The following HBP1 variants were observed in gnomAD, a reference collection of about 807,000 sequenced individuals.
The protein encoded by HBP1 is HMG-box transcription factor 1, also known as HMG box-containing protein 1.
A neutral mutation model predicts 62.6 loss-of-function variants in HBP1; 20 were observed. The observed-to-expected ratio is 0.32, with a 90% CI of 0.22 to 0.46. The LOEUF is 0.46. Among genes scored for constraint, HBP1 ranks in the 20% least tolerant of loss-of-function variants. The pLI, the probability that HBP1 is intolerant of heterozygous loss-of-function variation, is 1.00. For missense variants in HBP1, 480 were observed against 611.8 expected, an observed-to-expected ratio of 0.78 and a Z score of 2.27; for synonymous variants, 232 against 206.2, an observed-to-expected ratio of 1.12 and a Z score of -1.07.
intron 4 of HBP1, among the ~76,000 whole-genome samples, 195 bp from the exon 5 acceptor site, chr7:107,186,166 C>CT (rs80124304): frequency 0.058 from 6,702 of 116,086 alleles, 444 homozygotes; most frequent in African/African-American, 0.17. Flanking sequence ...CTTTTTTTTT[C>CT]TTTTTTTTTT....
Position 107,187,442 on chromosome 7 carries a change from G to A in HBP1, c.765+761G>A, listed in dbSNP as rs184249791. ...TAAGTCGATGAGCAAAAGCAGTAGC[G>A]AGCAATATTAGGATAAAGTTGACAC... On this transcript the variant is annotated intron_variant, in intron 6 of 10. Transcript: ENST00000222574. Among the ~76,000 whole-genome samples the A allele has an allele frequency of 4.2e-4, 64 of 152,196 alleles. No individual in the cohort carries two copies. The East Asian group carries it at 0.011, about 26-fold the overall frequency.
At chr7:107,189,469 G>A in intron 7 of HBP1, 21 bp downstream of exon 7, 1 of 1,563,078 alleles carries the variant, frequency 6.4e-7, no homozygotes, top group South Asian at 1.2e-5. Flanking sequence ...AATTGCATTT[G>A]TAGTAACTTT....
chr7:107,172,471 A>C (rs77185844), intron 1 of HBP1, among the ~76,000 whole-genome samples: 23,929 of 152,148 alleles, frequency 0.16, 2,344 homozygotes, highest in Non-Finnish European at 0.22. Context: ...AACAAGTTTC[A>C]TAAGAATTTT....
intron 1 of HBP1, among the ~76,000 whole-genome samples, chr7:107,171,075 T>TATATATATATA (rs1331160955): frequency 2.7e-5 from 2 of 73,524 alleles, no homozygotes; most frequent in East Asian, 3.2e-4. Flanking sequence ...ATATATATAT[T>TATATATATATA]TTTTTTTTTT....
At chr7:107,189,915 G>A (rs1020493524) in intron 7 of HBP1, 1 of 310,972 alleles carries the variant, frequency 3.2e-6, no homozygotes, top group Non-Finnish European at 5.8e-6. Flanking sequence ...CATTGTAGAC[G>A]GATGGAAGTG....
At chr7:107,179,325 A>G (rs1314723872) in intron 1 of HBP1, among the ~76,000 whole-genome samples, 2 of 152,220 alleles carry the variant, frequency 1.3e-5, no homozygotes, top group East Asian at 3.8e-4. Flanking sequence ...TCCTCAGCAG[A>G]AAAGACTTTT....
chr7:107,193,927 A>T (rs1481784570), intron 8 of HBP1, among the ~76,000 whole-genome samples: 9 of 152,198 alleles, frequency 5.9e-5, no homozygotes, highest in African/African-American at 2.2e-4. Flanking sequence ...TATATGTGAC[A>T]TGGTTAATAG....
At chr7:107,170,063 C>T (rs1796481925) in intron 1 of HBP1, 4 of 985,186 alleles carry the variant, frequency 4.1e-6, no homozygotes, top group Non-Finnish European at 4.8e-6. Context: ...GCTGTGCACT[C>T]TACACTCGAG....
In HBP1 at chr7:107,201,726, A is replaced by G. The variant is rs1798326261; in HGVS notation, c.*295A>G. 1 of 325,796 alleles carries G rather than the reference A, an allele frequency of 3.1e-6. No homozygotes were observed. Among genetic ancestry groups the G allele is most frequent in the South Asian group, 8.9e-5 (1 of 11,218 alleles). 20.2% of individuals were successfully genotyped at this position (325,796 alleles called of 1,614,324 possible). A position where few individuals can be genotyped will look rare whatever the true frequency, so the allele number is the denominator to read the frequency against. ...AATTGATATCCTGTGGTGCTAAAGT[A>G]CAGTAGAAAGAGAGGAGAAGTGTAT... On this transcript the variant is annotated 3_prime_UTR_variant, in exon 11 of 11. Coordinates refer to ENST00000222574, the MANE Select transcript of HBP1 (RefSeq NM_012257.4).
intron 1 of HBP1, chr7:107,173,524 T>C (rs1164827650): frequency 6.6e-6 from 1 of 152,242 alleles, no homozygotes; most frequent in East Asian, 1.9e-4. Context: ...TCCATAATAA[T>C]ACTTTATTCA....
chr7:107,170,600 A>G (rs1343859780), intron 1 of HBP1, among the ~76,000 whole-genome samples: 2 of 152,140 alleles, frequency 1.3e-5, no homozygotes, highest in Non-Finnish European at 2.9e-5. Context: ...GGGTTATGTT[A>G]TACTTTTGAG....
At chr7:107,170,789 G>A (rs544922894) in intron 1 of HBP1, among the ~76,000 whole-genome samples, 69 of 150,278 alleles carry the variant, frequency 4.6e-4, no homozygotes, top group Non-Finnish European at 9.1e-4. Context: ...ACATACCCTA[G>A]TTAAAAGGGT....
At chr7:107,181,172 C>T (rs1264888460) in intron 2 of HBP1, among the ~76,000 whole-genome samples, 1 of 152,132 alleles carries the variant, frequency 6.6e-6, no homozygotes, top group Non-Finnish European at 1.5e-5. Context: ...TATCCCGAGT[C>T]AGTGCTTCTA....
In HBP1 at chr7:107,201,384, C is replaced by T; in HGVS notation, c.1528-30C>T. ...GGATTACTATGTATTGATTTGTAAA[C>T]ATTCACTGAGTTTAATTTTATTTCC... On this transcript the variant is annotated intron_variant, in intron 10 of 10. Coordinates refer to ENST00000222574, the MANE Select transcript of HBP1 (RefSeq NM_012257.4). The T allele has an allele frequency of 2.7e-6, 4 of 1,460,126 alleles. No individual in the cohort carries two copies. The East Asian group carries it at 9.1e-5, about 33-fold the overall frequency. 90.4% of individuals were successfully genotyped at this position (1,460,126 alleles called of 1,614,324 possible). A position where few individuals can be genotyped will look rare whatever the true frequency, so the allele number is the denominator to read the frequency against.
intron 3 of HBP1, among the ~76,000 whole-genome samples, chr7:107,183,763 A>G (rs1166074283): frequency 6.6e-6 from 1 of 152,176 alleles, no homozygotes; most frequent in Non-Finnish European, 1.5e-5. Context: ...CAGTGTAAAT[A>G]AAAACATAAG....
At chr7:107,197,675 G>A (rs1050529251) in intron 9 of HBP1, among the ~76,000 whole-genome samples, 3 of 152,124 alleles carry the variant, frequency 2.0e-5, no homozygotes, top group Non-Finnish European at 2.9e-5. Context: ...AGCGCTAAGA[G>A]GCTTTTTAAT....
chr7:107,182,192 G>A (rs1354240862), intron 2 of HBP1, among the ~76,000 whole-genome samples, 181 bp from the exon 3 acceptor site: 2 of 152,134 alleles, frequency 1.3e-5, no homozygotes, highest in Non-Finnish European at 2.9e-5. Context: ...GGGGGAATAA[G>A]AAGCAGAAAA....
At chr7:107,189,682 G>A (rs912885839) in intron 7 of HBP1, among the ~76,000 whole-genome samples, 1 of 152,126 alleles carries the variant, frequency 6.6e-6, no homozygotes, top group African/African-American at 2.4e-5. Flanking sequence ...ATGTAGCATA[G>A]TATAATAAGC....
chr7:107,199,397 A>C (rs1798095297), intron 9 of HBP1, among the ~76,000 whole-genome samples: 1 of 152,210 alleles, frequency 6.6e-6, no homozygotes, highest in African/African-American at 2.4e-5. Flanking sequence ...ATTGGTTTAT[A>C]ATTAAGGAAA....
Sources: gnomAD v4.1 joint callset for allele counts (sites outside exome capture counted in the v4.1 genomes callset) on GRCh38, gnomAD v4.1.1 for gene constraint, MANE v1.5 for transcripts, NCBI Gene and HGNC (gene_info 2026-07-23, HGNC 2026-07-21) for gene names.